DDX19B: variants seen among roughly 807,000 people sequenced by gnomAD.
DDX19B encodes the protein ATP-dependent RNA helicase DDX19B.
Under a neutral mutation model 58.1 loss-of-function variants are expected in DDX19B, and 27 were observed. The ratio of observed to expected loss-of-function variants is 0.46; its 90% CI spans 0.34 to 0.64. The LOEUF (loss-of-function observed/expected upper bound fraction) is 0.64, where lower values mean the gene tolerates loss of function less well. DDX19B is among the 30% of genes least tolerant of loss of function. DDX19B has a pLI of 0.01. For missense variants in DDX19B, 399 were observed against 596.5 expected (o/e 0.67, Z 3.45); for synonymous variants, 187 against 214.4 (o/e 0.87, Z 1.12).
upstream of DDX19B, chr16:70,290,049 A>G (rs1366418986): frequency 3.0e-5 from 8 of 262,654 alleles, no homozygotes; most frequent in Non-Finnish European, 6.2e-5. Flanking sequence ...TTGCCTTTGG[A>G]AAAAAAAAAG....
upstream of DDX19B, among the ~76,000 whole-genome samples, chr16:70,293,422 GA>G (rs199870375): frequency 7.1e-5 from 8 of 112,904 alleles, no homozygotes; most frequent in South Asian, 5.4e-4. Flanking sequence ...TGTCTCAATT[GA>G]AAAAAAAAAG....
At chr16:70,319,576 C>CCTTTTTTTTTTTTTT (rs1555547570) in intron 5 of DDX19B, 1 of 145,730 alleles carries the variant, frequency 6.9e-6, no homozygotes, top group African/African-American at 2.5e-5. Flanking sequence ...TTCTGAATCT[C>CCTTTTTTTTTTTTTT]TTTTTTTTTT....
At chr16:70,322,680 A>T (rs1256416944) in intron 5 of DDX19B, among the ~76,000 whole-genome samples, 1 of 150,864 alleles carries the variant, frequency 6.6e-6, no homozygotes, top group Non-Finnish European at 1.5e-5. Flanking sequence ...GGATCACCTG[A>T]GGTCAGCAGT....
intron 1 of DDX19B, among the ~76,000 whole-genome samples, chr16:70,303,788 C>T (rs1165777480): frequency 6.6e-6 from 1 of 151,400 alleles, no homozygotes; most frequent in Non-Finnish European, 1.5e-5. Flanking sequence ...CTCGACCTCC[C>T]GATCTTGGGA....
intron 1 of DDX19B, among the ~76,000 whole-genome samples, chr16:70,311,815 T>C (rs778648290): frequency 3.9e-5 from 6 of 152,052 alleles, no homozygotes; most frequent in Non-Finnish European, 4.4e-5. Flanking sequence ...GACTGATTCC[T>C]ACCCACAGAT....
upstream of DDX19B, among the ~76,000 whole-genome samples, chr16:70,291,529 CCTAGCGTGGTGA>C (rs1961061109): frequency 6.6e-6 from 1 of 152,100 alleles, no homozygotes. Flanking sequence ...AATTTTTTGG[CCTAGCGTGGTGA>C]CTCATGCCTG....
At chr16:70,324,735 G>A in intron 6 of DDX19B, 48 bp downstream of exon 6, 2 of 1,548,760 alleles carry the variant, frequency 1.3e-6, no homozygotes, top group Non-Finnish European at 1.8e-6. Context: ...AGATAGAAGG[G>A]GATTTCCATT....
At position 70,306,521 on chromosome 16, in the gene DDX19B, A is replaced by G. The variant is rs1429978440; in HGVS notation, c.58-6088A>G. Among the ~76,000 whole-genome samples the G allele has an allele frequency of 2.6e-5, 4 of 152,186 alleles. No homozygotes were observed. In the East Asian group the frequency reaches 7.7e-4, roughly 29 times the overall value. On this transcript the variant is annotated intron_variant, in intron 1 of 11. Transcript: ENST00000288071. ...CTAAGAGGGTTTGTTAGGAGTAGGT[A>G]GCTTTGACATTTTCTTTTTGGCTTG...
chr16:70,299,060 A>G (rs1453268553), upstream of DDX19B: 5 of 1,082,186 alleles, frequency 4.6e-6, no homozygotes, highest in Non-Finnish European at 6.0e-6. Flanking sequence ...CTTGATAGGA[A>G]AGCTTGCTCT....
chr16:70,318,920 C>G lies in DDX19B; in HGVS notation c.389+1332C>G, dbSNP rs146974264. On this transcript the variant is annotated intron_variant, in intron 5 of 11. Coordinates refer to ENST00000288071, the MANE Select transcript of DDX19B (RefSeq NM_007242.7). ...GAGATCGAGACCATCCTGGCTAACA[C>G]GGTGAAACCCCATCTCTACTAAAAA... Among the ~76,000 whole-genome samples the G allele has an allele frequency of 4.3e-3, 650 of 151,736 alleles. 4 individuals are homozygous for G. Among genetic ancestry groups the G allele is most frequent in the Non-Finnish European group, 7.0e-3 (473 of 67,946 alleles).
chr16:70,310,814 A>G (rs1962044635), intron 1 of DDX19B, among the ~76,000 whole-genome samples: 1 of 151,942 alleles, frequency 6.6e-6, no homozygotes, highest in Non-Finnish European at 1.5e-5. Flanking sequence ...GGAGATCACG[A>G]GGTCAGGAGA....
chr16:70,299,333 G>C lies in DDX19B; in HGVS notation c.36G>C (p.Glu12Asp). The part of the protein sequence containing the change: ...ATDSWALAVD[E>D]QEAAAESLSN... The stretch of plus-strand genomic sequence containing the variant: ...ACTCATGGGCCCTGGCGGTGGACGA[G>C]CAGGAAGCTGCGGCTGAGTCGGTGA... Residue 12 changes from glutamate (E) to aspartate (D), a missense_variant, in exon 1 of 12, where the codon GAG becomes GAC. By Grantham distance (45) the Glu-to-Asp change is conservative. This residue lies in a region of DDX19B where 132 missense variants were observed against 159.4 expected (regional missense o/e 0.83). Coordinates refer to ENST00000288071, the MANE Select transcript of DDX19B (RefSeq NM_007242.7). The C allele has an allele frequency of 6.2e-7, 1 of 1,608,980 alleles. No individual in the cohort carries two copies. Among genetic ancestry groups the C allele is most frequent in the South Asian group, 1.1e-5 (1 of 90,062 alleles).
At position 70,314,962 on chromosome 16, in the gene DDX19B, C is replaced by T; in HGVS notation, c.160+7C>T. The stretch of plus-strand genomic sequence containing the variant: ...ACAGATGAAGAAGAGAAAGGTAACA[C>T]AGCCGTGGAGCTTTATATAATAACA... On this transcript the variant is annotated splice_region_variant and intron_variant, in intron 3 of 11. Coordinates refer to ENST00000288071, the MANE Select transcript of DDX19B (RefSeq NM_007242.7). The T allele has an allele frequency of 6.2e-7, 1 of 1,607,668 alleles. No homozygotes were observed. Among genetic ancestry groups the T allele is most frequent in the Non-Finnish European group, 8.5e-7 (1 of 1,175,784 alleles).
upstream of DDX19B, chr16:70,294,722 G>T (rs1035577701): frequency 1.0e-4 from 70 of 677,322 alleles, no homozygotes; most frequent in Non-Finnish European, 1.4e-4. Context: ...GCGCGTGCCC[G>T]AGCGCTGTAC....
At chr16:70,330,928 C>T (rs2052707474) in intron 9 of DDX19B, among the ~76,000 whole-genome samples, 1 of 151,916 alleles carries the variant, frequency 6.6e-6, no homozygotes, top group South Asian at 2.1e-4. Flanking sequence ...GCCTGTGGTC[C>T]CAGCTGCTTG....
upstream of DDX19B, chr16:70,295,015 A>G: frequency 7.3e-7 from 1 of 1,362,946 alleles, no homozygotes; most frequent in Non-Finnish European, 9.4e-7. Flanking sequence ...ATATTTCTCG[A>G]GGCTTCGGCC....
upstream of DDX19B, among the ~76,000 whole-genome samples, chr16:70,292,111 G>A (rs533931785): frequency 4.0e-5 from 6 of 151,060 alleles, no homozygotes; most frequent in South Asian, 4.2e-4. Flanking sequence ...GAGATCTCGC[G>A]ACTGCACTCC....
At chr16:70,327,869 G>A (rs1429158111) in intron 7 of DDX19B, among the ~76,000 whole-genome samples, 1 of 152,022 alleles carries the variant, frequency 6.6e-6, no homozygotes, top group Non-Finnish European at 1.5e-5. Context: ...AAGTGTTGTT[G>A]GCCGGACATG....
At position 70,316,665 on chromosome 16, in the gene DDX19B, A is replaced by C. The variant is rs182616699; in HGVS notation, c.296+561A>C. On this transcript the variant is annotated intron_variant, in intron 4 of 11. Transcript: ENST00000288071. ...ACCAGACTCCATCTAAAAAATATAC[A>C]TAAATACTGTAGATGCTTTGGGATA... Among the ~76,000 whole-genome samples the C allele has an allele frequency of 1.7e-3, 258 of 152,350 alleles. 1 individual carries two copies. The highest frequency in any genetic ancestry group is 3.1e-3 in the Non-Finnish European group (209 of 68,036).
Sources: allele counts gnomAD v4.1 joint callset (sites outside exome capture counted in the v4.1 genomes callset), GRCh38; gene constraint gnomAD v4.1.1; regional missense constraint gnomAD v4.1.1; transcripts MANE v1.5; gene names NCBI Gene and HGNC (gene_info 2026-07-23, HGNC 2026-07-21).